Variants in MBP observed in about 807,000 individuals in gnomAD.
MBP encodes the protein myelin basic protein.
MBP carries 16 observed loss-of-function variants against 35.8 expected under a neutral mutation model. The ratio of observed to expected loss-of-function variants is 0.45; its 90% confidence interval spans 0.30 to 0.68. MBP has a LOEUF of 0.68. MBP is among the 30% of genes least tolerant of loss of function. The pLI, the probability that MBP is intolerant of heterozygous loss-of-function variation, is 0.08. For synonymous variants in MBP, 143 were observed against 159.6 expected (o/e 0.90, Z 0.78); for missense variants, 380 against 404.7 (o/e 0.94, Z 0.52).
At chr18:77,059,035 G>A (rs1320103159) in intron 3 of MBP, among the ~76,000 whole-genome samples, 1 of 151,824 alleles carries the variant, frequency 6.6e-6, no homozygotes, top group Admixed American at 6.6e-5. Context: ...ATTCAGCCAC[G>A]GGAAGGGCAG....
At position 76,988,707 on chromosome 18, in the gene MBP, A is replaced by G; in HGVS notation, c.717+170T>C. On this transcript the variant is annotated intron_variant, in intron 6 of 8. Transcript: ENST00000355994. This position sits in a 1 kb window ranked among gnomAD's most constrained non-coding sequence, Gnocchi z 5.2. ...GCGGCTGTGCAGGTGCGGGAGGGAC[A>G]GGAGGGGTGCATGGATCTGCCGACC... The G allele has an allele frequency of 7.4e-7, 1 of 1,352,842 alleles. No homozygotes were observed. Among genetic ancestry groups the G allele is most frequent in the South Asian group, 1.4e-5 (1 of 73,096 alleles). 83.8% of individuals were successfully genotyped at this position (1,352,842 alleles called of 1,614,324 possible). A position where few individuals can be genotyped will look rare whatever the true frequency, so the allele number is the denominator to read the frequency against.
intron 3 of MBP, among the ~76,000 whole-genome samples, chr18:77,055,585 T>TTC (rs138095026): frequency 8.8e-4 from 133 of 151,186 alleles, no homozygotes; most frequent in South Asian, 2.3e-3. Context: ...TTCTCTTTCT[T>TTC]TCTCTCTCTC....
At chr18:77,055,008 G>A (rs371311264) in intron 3 of MBP, among the ~76,000 whole-genome samples, 3 of 152,354 alleles carry the variant, frequency 2.0e-5, no homozygotes, top group South Asian at 4.1e-4. Flanking sequence ...ATGGAATTCA[G>A]TATCATAAAG....
At chr18:77,031,724 C>T (rs61361733) in intron 3 of MBP, among the ~76,000 whole-genome samples, 101 of 152,364 alleles carry the variant, frequency 6.6e-4, no homozygotes, top group Middle Eastern at 3.4e-3. Flanking sequence ...CCTCTTGGCA[C>T]GAGGAGGGCA....
rs1342361605 is a variant in MBP, at chr18:77,029,015, C to T, written c.140-11747G>A. Among the ~76,000 whole-genome samples the T allele has an allele frequency of 1.5e-4, 16 of 109,748 alleles. 2 individuals carry two copies. Among genetic ancestry groups the T allele is most frequent in the South Asian group, 5.8e-4 (2 of 3,420 alleles). 72.0% of individuals were successfully genotyped at this position (109,748 alleles called of 152,430 possible). ...CTCACTTCCCAGACGGGGTGGCGGC[C>T]GGGCAGAGGCTGCAATCTCGGCACT... is the stretch of plus-strand genomic sequence containing the variant. On this transcript the variant is annotated intron_variant, in intron 3 of 8. Coordinates refer to ENST00000355994, the MANE Select transcript of MBP (RefSeq NM_001025101.2).
At position 76,987,530 on chromosome 18, in the gene MBP, T is replaced by G. The variant is rs11872487; in HGVS notation, c.750+965A>C. 2,193 of 985,752 alleles carry G rather than the reference T, an allele frequency of 2.2e-3. 33 individuals are homozygous for G. In the African/African-American group the frequency reaches 0.036, roughly 16 times the overall value. 61.1% of individuals were successfully genotyped at this position (985,752 alleles called of 1,614,324 possible). Reference sequence around the variant, plus strand: ...CTCTTCCTTCCTCTTCCCCACCTTCTGTTTTCTTTCCCTGTTCTTTCTTCC... The same window carrying G: ...CTCTTCCTTCCTCTTCCCCACCTTCGGTTTTCTTTCCCTGTTCTTTCTTCC... On this transcript the variant is annotated intron_variant, in intron 7 of 8. Transcript: ENST00000355994.
intron 3 of MBP, among the ~76,000 whole-genome samples, chr18:77,064,394 T>C (rs571022733): frequency 7.0e-4 from 106 of 152,320 alleles, no homozygotes; most frequent in Non-Finnish European, 1.4e-3. Flanking sequence ...TGCTCAGACA[T>C]GCCTCCAAGA....
intron 2 of MBP, chr18:77,067,841 G>A (rs1160830457): frequency 1.9e-6 from 1 of 513,456 alleles, no homozygotes; most frequent in Non-Finnish European, 3.9e-6. Context: ...TGGAGAGAGG[G>A]GCAGGCACAG....
intron 3 of MBP, among the ~76,000 whole-genome samples, chr18:77,053,930 G>A (rs543288359): frequency 5.3e-5 from 8 of 152,328 alleles, no homozygotes; most frequent in Non-Finnish European, 1.0e-4. Context: ...ACATAATCAG[G>A]GACTGTGACA....
At chr18:77,113,298 A>C (rs969885007) in intron 1 of MBP, 1 of 152,442 alleles carries the variant, frequency 6.6e-6, no homozygotes, top group African/African-American at 2.4e-5. Flanking sequence ...GAAACACCAC[A>C]TGACAATGGA....
chr18:77,091,394 A>G (rs906465556), intron 2 of MBP, among the ~76,000 whole-genome samples: 3 of 152,210 alleles, frequency 2.0e-5, no homozygotes, highest in African/African-American at 4.8e-5. Flanking sequence ...GAAATGTAAT[A>G]TTGAATTTTA....
Position 77,017,119 on chromosome 18 carries a change from G to A in MBP, c.289C>T (p.Arg97Ter). ...SRPHLIRLFSRDAPGREDNTF... is the reference protein window; with the variant it reads ...SRPHLIRLFS ...TTGTCCTCCCTCCCCGGGGCATCTC[G>A]GGAAAAGAGGCGGATCAAGTGGGGG... The change falls in exon 4 of 9, where the codon CGA becomes TGA. Residue 97 changes from arginine (R) to a stop codon, truncating the protein, a stop_gained. Transcript: ENST00000355994. LOFTEE classifies it high-confidence loss of function. 4 of 1,586,572 alleles carry A rather than the reference G, an allele frequency of 2.5e-6. No individual in the cohort carries two copies. Among genetic ancestry groups the A allele is most frequent in the Non-Finnish European group, 3.4e-6 (4 of 1,162,592 alleles).
intron 2 of MBP, among the ~76,000 whole-genome samples, chr18:77,097,756 A>T (rs1975821972): frequency 6.6e-6 from 1 of 152,044 alleles, no homozygotes; most frequent in Admixed American, 6.5e-5. Flanking sequence ...TTACATTTGG[A>T]TGGGTCTGCA....
At chr18:77,057,626 G>A (rs1973775636) in intron 3 of MBP, among the ~76,000 whole-genome samples, 1 of 152,196 alleles carries the variant, frequency 6.6e-6, no homozygotes, top group Non-Finnish European at 1.5e-5. Flanking sequence ...CATCGGAAAT[G>A]ACAGCTACTT....
intron 2 of MBP, among the ~76,000 whole-genome samples, chr18:77,098,994 C>T (rs1975889042): frequency 6.6e-6 from 1 of 151,680 alleles, no homozygotes; most frequent in Admixed American, 6.6e-5. Flanking sequence ...CCCCTCCTCT[C>T]CATCCTCCCC....
chr18:77,008,264 C>T (rs1386994940), intron 4 of MBP, among the ~76,000 whole-genome samples: 2 of 152,204 alleles, frequency 1.3e-5, no homozygotes, highest in African/African-American at 4.8e-5. Context: ...GGGTCGGTGC[C>T]TCCCAGGCAG....
At chr18:76,994,084 A>G (rs1470881920) in intron 4 of MBP, among the ~76,000 whole-genome samples, 1 of 152,062 alleles carries the variant, frequency 6.6e-6, no homozygotes, top group African/African-American at 2.4e-5. Context: ...CTTCTCCTCC[A>G]TGAGAGGGGG....
intron 4 of MBP, among the ~76,000 whole-genome samples, chr18:76,997,204 G>T (rs1970319611): frequency 6.6e-6 from 1 of 152,190 alleles, no homozygotes; most frequent in Non-Finnish European, 1.5e-5. Flanking sequence ...ACTTCTGTGG[G>T]ATCCCCAAAG....
intron 1 of MBP, chr18:77,110,544 A>G (rs1286183508): frequency 6.7e-6 from 1 of 150,024 alleles, no homozygotes; most frequent in Non-Finnish European, 1.5e-5. Context: ...TCCCTTCTCC[A>G]TGTAGTGAGA....
Sources: gnomAD v4.1 joint callset for allele counts (sites outside exome capture counted in the v4.1 genomes callset) on GRCh38, gnomAD v4.1.1 for gene constraint, Gnocchi (gnomAD v3.1) non-coding constraint, MANE v1.5 for transcripts, NCBI Gene and HGNC (gene_info 2026-07-23, HGNC 2026-07-21) for gene names.